ADGRB3: variants seen among roughly 807,000 people sequenced by gnomAD.
The protein encoded by ADGRB3 is adhesion G protein-coupled receptor B3, also known as brain-specific angiogenesis inhibitor 3.
A neutral mutation model predicts 193.4 loss-of-function variants in ADGRB3; 37 were observed. The ratio of observed to expected loss-of-function variants is 0.19; its 90% CI spans 0.15 to 0.25. The LOEUF (loss-of-function observed/expected upper bound fraction) is 0.25. ADGRB3 is among the 10% of genes least tolerant of loss of function. The probability of loss-of-function intolerance (pLI) is 1.00; values close to 1 mark genes in which losing one functional copy is unlikely to be tolerated. For synonymous variants in ADGRB3, 690 were observed against 644.2 expected, an observed-to-expected ratio of 1.07 and a Z score of -1.08; for missense variants, 1,637 against 1,852.9, an observed-to-expected ratio of 0.88 and a Z score of 2.14.
chr6:69,295,958 G>T (rs191541709), intron 20 of ADGRB3, among the ~76,000 whole-genome samples: 54 of 152,230 alleles, frequency 3.5e-4, no homozygotes, highest in African/African-American at 1.1e-3. Flanking sequence ...AAATCTTGTT[G>T]ACTTGGGAGA....
intron 3 of ADGRB3, among the ~76,000 whole-genome samples, chr6:68,722,605 C>CT (rs200217245): frequency 0.13 from 18,295 of 143,210 alleles, 1,851 homozygotes; most frequent in East Asian, 0.56. Flanking sequence ...ATTTCTTTTT[C>CT]TTTTTTTTTT....
At chr6:68,814,403 T>A (rs1164974001) in intron 3 of ADGRB3, among the ~76,000 whole-genome samples, 2 of 152,174 alleles carry the variant, frequency 1.3e-5, no homozygotes, top group Admixed American at 6.6e-5. Flanking sequence ...TTGATGGTGT[T>A]GTTTGTTTTT....
At chr6:68,643,993 A>G (rs1768144966) in intron 3 of ADGRB3, among the ~76,000 whole-genome samples, 1 of 151,898 alleles carries the variant, frequency 6.6e-6, no homozygotes, top group African/African-American at 2.4e-5. Context: ...AAATAAAAAC[A>G]ATAAACAAAC....
intron 3 of ADGRB3, among the ~76,000 whole-genome samples, chr6:68,730,332 A>T (rs1387334874): frequency 6.6e-6 from 1 of 151,512 alleles, no homozygotes; most frequent in Admixed American, 6.6e-5. Flanking sequence ...ATAACACTTT[A>T]TGTATGTATA....
chr6:68,721,655 T>TATATATATATATAA (rs1386347336), intron 3 of ADGRB3, among the ~76,000 whole-genome samples: 27 of 141,334 alleles, frequency 1.9e-4, no homozygotes, highest in African/African-American at 6.4e-4. Context: ...TATATATATA[T>TATATATATATATAA]AAATTATCAT....
chr6:69,198,391 T>C (rs1161255772), intron 17 of ADGRB3, among the ~76,000 whole-genome samples: 1 of 152,008 alleles, frequency 6.6e-6, no homozygotes, highest in Non-Finnish European at 1.5e-5. Context: ...AAAATAGGAA[T>C]ATAAATACTA....
At chr6:68,810,597 G>T (rs1400281809) in intron 3 of ADGRB3, among the ~76,000 whole-genome samples, 1 of 152,146 alleles carries the variant, frequency 6.6e-6, no homozygotes, top group East Asian at 1.9e-4. Flanking sequence ...TTTGAGAAGT[G>T]GTTTGAGGTA....
chr6:68,770,013 C>T (rs1766585176), intron 3 of ADGRB3, among the ~76,000 whole-genome samples: 3 of 152,096 alleles, frequency 2.0e-5, no homozygotes. Flanking sequence ...TTTTGAATTA[C>T]TCTGGCTATC....
intron 3 of ADGRB3, among the ~76,000 whole-genome samples, chr6:68,654,652 C>T (rs1001647082): frequency 6.6e-6 from 1 of 151,702 alleles, no homozygotes; most frequent in African/African-American, 2.4e-5. Context: ...GCAGTCTATG[C>T]ATATATTATT....
At chr6:69,141,281 G>T (rs1774335556) in intron 17 of ADGRB3, among the ~76,000 whole-genome samples, 1 of 152,010 alleles carries the variant, frequency 6.6e-6, no homozygotes, top group South Asian at 2.1e-4. Flanking sequence ...CCGCCACCAT[G>T]CCCGGCTAAT....
intron 3 of ADGRB3, among the ~76,000 whole-genome samples, chr6:68,814,430 T>A (rs1485557728): frequency 6.6e-6 from 1 of 152,212 alleles, no homozygotes; most frequent in Non-Finnish European, 1.5e-5. Context: ...TAAATTTGTT[T>A]GTAGATTCTG....
intron 17 of ADGRB3, among the ~76,000 whole-genome samples, chr6:69,231,438 G>T (rs753169325): frequency 1.3e-5 from 2 of 152,194 alleles, no homozygotes; most frequent in Non-Finnish European, 2.9e-5. Context: ...AAGTAAAGCT[G>T]CCATCCAGTA....
chr6:69,002,657 A>G lies in ADGRB3; in HGVS notation c.1929+8695A>G, dbSNP rs991212936. Among the ~76,000 whole-genome samples, 11 of 152,176 alleles carry G rather than the reference A, an allele frequency of 7.2e-5. No homozygotes were observed. The East Asian group carries it at 1.3e-3, about 19-fold the overall frequency. ...TCCATTGGTTTTAATGCCAGACACT[A>G]TTGGCTTTTTTATATTAAAAATTGG... On this transcript the variant is annotated intron_variant, in intron 11 of 31. Transcript: ENST00000370598.
intron 13 of ADGRB3, among the ~76,000 whole-genome samples, chr6:69,036,150 C>T (rs1431768386): frequency 6.6e-6 from 1 of 152,158 alleles, no homozygotes; most frequent in Non-Finnish European, 1.5e-5. Flanking sequence ...AGGACTCTTT[C>T]TTTCTCAATT....
intron 5 of ADGRB3, among the ~76,000 whole-genome samples, chr6:68,939,630 T>C (rs993300200): frequency 6.6e-6 from 1 of 152,206 alleles, no homozygotes; most frequent in Non-Finnish European, 1.5e-5. Context: ...AATTTTTTCA[T>C]CTGGTTATGG....
chr6:69,100,666 G>C (rs1022935051), intron 17 of ADGRB3, among the ~76,000 whole-genome samples: 2 of 151,960 alleles, frequency 1.3e-5, no homozygotes, highest in East Asian at 1.9e-4. Context: ...CCAATTGCTA[G>C]AAGTTTTTCA....
intron 17 of ADGRB3, among the ~76,000 whole-genome samples, chr6:69,182,982 A>T (rs1230460670): frequency 1.3e-5 from 2 of 152,142 alleles, no homozygotes; most frequent in Non-Finnish European, 2.9e-5. Context: ...CATAAAATTG[A>T]ATAACTACTT....
At chr6:69,333,105 T>C (rs1554198134) in intron 24 of ADGRB3, 97 bp downstream of exon 24, 8 of 888,136 alleles carry the variant, frequency 9.0e-6, no homozygotes, top group Non-Finnish European at 1.2e-5. Context: ...TGCCTTGAAT[T>C]TTGTTATTGA....
At chr6:68,763,182 A>C (rs997586278) in intron 3 of ADGRB3, among the ~76,000 whole-genome samples, 6 of 102,086 alleles carry the variant, frequency 5.9e-5, no homozygotes, top group African/African-American at 1.8e-4. Context: ...CCTCTGCCTC[A>C]CAGGGTCAAG....
Sources: allele counts gnomAD v4.1 joint callset (sites outside exome capture counted in the v4.1 genomes callset), GRCh38; gene constraint gnomAD v4.1.1; transcripts MANE v1.5; gene names NCBI Gene and HGNC (gene_info 2026-07-23, HGNC 2026-07-21).